The following PPP6R2 variants were observed in gnomAD, a reference collection of about 807,000 sequenced individuals.
PPP6R2 encodes the protein serine/threonine-protein phosphatase 6 regulatory subunit 2.
In PPP6R2, 62 loss-of-function variants were observed where a neutral mutation model predicts 100.2. The observed-to-expected ratio is 0.62, with a 90% CI of 0.50 to 0.76. The LOEUF is 0.76. PPP6R2 is among the 30% of genes least tolerant of loss of function. PPP6R2 has a pLI of 0.00. For synonymous variants in PPP6R2, 525 were observed against 514.7 expected, an observed-to-expected ratio of 1.02 and a Z score of -0.27; for missense variants, 1,142 against 1,276.3, an observed-to-expected ratio of 0.89 and a Z score of 1.60.
At position 50,436,444 on chromosome 22, in the gene PPP6R2, G is replaced by A. The variant is rs144758234; in HGVS notation, c.1594G>A (p.Val532Met). 5.0e-3 allele frequency: 7,935 copies of A among 1,589,726 alleles called. 29 individuals are homozygous for A. Among genetic ancestry groups the A allele is most frequent in the Non-Finnish European group, 6.2e-3 (7,250 of 1,169,308 alleles). ...GACGGAGACGAACCGCAGGAACACT[G>A]TGGACCTGGTGAGGAGGCTCGGGGC... ...TLTETNRRNT[V>M]DLVSTHHLHS... is the part of the protein sequence containing the mutation. The change falls in exon 14 of 24, where the codon GTG becomes ATG. Residue 532 changes from valine (V) to methionine (M), a missense_variant. Physicochemically the swap from Val to Met is conservative, Grantham distance 21. Transcript: ENST00000612753.
chr22:50,393,702 G>T, intron 2 of PPP6R2, 191 bp from the exon 3 acceptor site: 1 of 982,852 alleles, frequency 1.0e-6, no homozygotes, highest in Non-Finnish European at 1.2e-6. Flanking sequence ...TACTGGGGAG[G>T]GCCCCCACCA....
chr22:50,406,987 T>C, intron 4 of PPP6R2, 112 bp downstream of exon 4: 1 of 1,087,834 alleles, frequency 9.2e-7, no homozygotes, highest in Non-Finnish European at 1.4e-6. Flanking sequence ...GAACAGCATC[T>C]GTGACTCTTC....
chr22:50,439,326 C>T (rs1232288721), intron 19 of PPP6R2, among the ~76,000 whole-genome samples: 1 of 152,122 alleles, frequency 6.6e-6, no homozygotes, highest in Non-Finnish European at 1.5e-5. Context: ...GAAGACACCC[C>T]ATCCTCGAGG....
chr22:50,420,384 G>C (rs7410608), intron 8 of PPP6R2, among the ~76,000 whole-genome samples: 61,326 of 152,012 alleles, frequency 0.4, 12,878 homozygotes, highest in East Asian at 0.75. Context: ...TCGCTGTCCT[G>C]AGGTGCAGCT....
At chr22:50,350,715 G>A (rs1349049105) in intron 1 of PPP6R2, among the ~76,000 whole-genome samples, 1 of 151,398 alleles carries the variant, frequency 6.6e-6, no homozygotes, top group African/African-American at 2.4e-5. Context: ...TGTGGTGGTG[G>A]GCGCCTGTAG....
At chr22:50,404,087 CTA>C (rs1365648425) in intron 3 of PPP6R2, among the ~76,000 whole-genome samples, 2 of 119,146 alleles carry the variant, frequency 1.7e-5, no homozygotes, top group Non-Finnish European at 3.6e-5. Context: ...CCTGCACATT[CTA>C]TTTTTTTTTT....
chr22:50,351,862 C>T (rs539853516), intron 1 of PPP6R2, among the ~76,000 whole-genome samples: 2 of 151,556 alleles, frequency 1.3e-5, no homozygotes, highest in Admixed American at 6.6e-5. Context: ...GGCGCGATCT[C>T]GGCTCACTGC....
chr22:50,437,568 T>G lies in PPP6R2; in HGVS notation c.1746T>G (p.Asn582Lys). 7.1e-7 allele frequency: 1 copy of G among 1,410,602 alleles called. No homozygotes were observed. The allele number at this position is 1,410,602 out of a possible 1,614,324, so 87.4% of individuals were successfully genotyped here. Residue 582 changes from asparagine (N) to lysine (K), a missense_variant, in exon 16 of 24, where the codon AAT (asparagine) becomes AAG (lysine). Physicochemically the swap from Asn to Lys is moderately conservative, Grantham distance 94. This residue lies in a region of PPP6R2 where 550 missense variants were observed against 517.4 expected (regional missense o/e 1.06). Coordinates refer to ENST00000612753, the MANE Select transcript of PPP6R2 (RefSeq NM_001242898.2). ...ACTTCGTGGATCAGTTTGGCTTCAA[T>G]GATGAGGAGTTTGCCGACCAGGACG... ...TANFVDQFGF[N>K]DEEFADQDDN... is the part of the protein sequence containing the mutation.
At chr22:50,397,853 CTTGT>C in intron 3 of PPP6R2, among the ~76,000 whole-genome samples, 2 of 111,662 alleles carry the variant, frequency 1.8e-5, no homozygotes, top group African/African-American at 7.5e-5. Flanking sequence ...CCTCACCAGC[CTTGT>C]CATCTCTGAG....
chr22:50,425,360 G>A (rs1275759404), intron 10 of PPP6R2, among the ~76,000 whole-genome samples: 1 of 152,170 alleles, frequency 6.6e-6, no homozygotes, highest in African/African-American at 2.4e-5. Context: ...AAAAATTACT[G>A]TGTGGGTGGG....
At chr22:50,343,209 G>T (rs1484585100), upstream of PPP6R2, 1 of 151,318 alleles carries the variant, frequency 6.6e-6, no homozygotes, top group African/African-American at 2.4e-5. Context: ...CACTCCAGGG[G>T]GCCCGGAGAG....
chr22:50,435,480 C>T (rs1399428516), intron 13 of PPP6R2, among the ~76,000 whole-genome samples: 6 of 152,212 alleles, frequency 3.9e-5, no homozygotes, highest in African/African-American at 1.4e-4. Flanking sequence ...CTCATTCTCA[C>T]TCAGGTGTGA....
chr22:50,366,912 CT>C (rs199544331), intron 1 of PPP6R2, among the ~76,000 whole-genome samples: 1 of 151,846 alleles, frequency 6.6e-6, no homozygotes, highest in Non-Finnish European at 1.5e-5. Flanking sequence ...CTTTTGTTTC[CT>C]TTTTTCAGGG....
At chr22:50,373,588 G>T (rs1263413429) in intron 2 of PPP6R2, among the ~76,000 whole-genome samples, 1 of 151,626 alleles carries the variant, frequency 6.6e-6, no homozygotes, top group Non-Finnish European at 1.5e-5. Context: ...GTCTCACTTT[G>T]TCACCCAGGC....
intron 3 of PPP6R2, among the ~76,000 whole-genome samples, chr22:50,399,889 C>T (rs1390146831): frequency 6.6e-6 from 1 of 152,248 alleles, no homozygotes; most frequent in Non-Finnish European, 1.5e-5. Context: ...GTCACATGGT[C>T]AGCCCTAGAG....
At chr22:50,428,994 A>C (rs951426513) in intron 10 of PPP6R2, among the ~76,000 whole-genome samples, 8 of 151,492 alleles carry the variant, frequency 5.3e-5, no homozygotes, top group African/African-American at 1.9e-4. Context: ...ATTTCCTTCT[A>C]TTCCTAGTTT....
chr22:50,436,911 G>T lies in PPP6R2; in HGVS notation c.1603-77G>T, dbSNP rs191894385. 9.4e-4 allele frequency: 1,159 copies of T among 1,228,788 alleles called. 5 individuals carry two copies. In the African/African-American group the frequency reaches 0.015, roughly 15 times the overall value. 76.1% of individuals were successfully genotyped at this position (1,228,788 alleles called of 1,614,324 possible). On this transcript the variant is annotated intron_variant, in intron 14 of 23. Coordinates refer to ENST00000612753, the MANE Select transcript of PPP6R2 (RefSeq NM_001242898.2). The stretch of plus-strand genomic sequence containing the variant: ...GTCTGGGAGCCCTGGGCTGGGCATG[G>T]TCCTGGGCGCTGGGCTGGGTGGGGT...
Position 50,405,338 on chromosome 22 carries a change from C to T in PPP6R2, c.228-1351C>T, listed in dbSNP as rs372649759. ...GGAGAGAGGTGAGAGGCCTGGCAGG[C>T]GAGTGTGAAGGCCTGGAGAGAGGTG... On this transcript the variant is annotated intron_variant, in intron 3 of 23. Coordinates refer to ENST00000612753, the MANE Select transcript of PPP6R2 (RefSeq NM_001242898.2). Among the ~76,000 whole-genome samples the T allele has an allele frequency of 4.2e-4, 25 of 58,826 alleles. No homozygotes were observed. In the East Asian group the frequency reaches 0.02, roughly 46 times the overall value. 38.6% of individuals were successfully genotyped at this position (58,826 alleles called of 152,430 possible). A position where few individuals can be genotyped will look rare whatever the true frequency, so the allele number is the denominator to read the frequency against.
intron 13 of PPP6R2, among the ~76,000 whole-genome samples, 182 bp from the exon 14 acceptor site, chr22:50,436,185 C>T (rs5770872): frequency 0.64 from 97,401 of 152,178 alleles, 31,402 homozygotes; most frequent in East Asian, 0.89. Context: ...CCCCTCCGGA[C>T]ACGCGGCTAT....
Sources: allele counts gnomAD v4.1 joint callset (sites outside exome capture counted in the v4.1 genomes callset), GRCh38; gene constraint gnomAD v4.1.1; regional missense constraint gnomAD v4.1.1; transcripts MANE v1.5; gene names NCBI Gene and HGNC (gene_info 2026-07-23, HGNC 2026-07-21).